Variants in ENAH observed in about 807,000 individuals in gnomAD.
ENAH encodes the protein ENAH actin regulator, also known as protein enabled homolog.
Under a neutral mutation model 78.7 loss-of-function variants are expected in ENAH, and 23 were observed. The observed-to-expected ratio is 0.29, with a 90% CI of 0.21 to 0.41. The LOEUF is 0.41. ENAH is among the 10% of genes least tolerant of loss of function. ENAH has a pLI of 1.00. For missense variants in ENAH, 544 were observed against 691.0 expected, an observed-to-expected ratio of 0.79 and a Z score of 2.39; for synonymous variants, 226 against 241.0, an observed-to-expected ratio of 0.94 and a Z score of 0.58.
At chr1:225,637,057 C>A (rs148449861) in intron 1 of ENAH, among the ~76,000 whole-genome samples, 1 of 152,116 alleles carries the variant, frequency 6.6e-6, no homozygotes, top group South Asian at 2.1e-4. Flanking sequence ...AAACAATAAA[C>A]GACCATTCTG....
In ENAH at chr1:225,490,071, C is replaced by T. The variant is rs1022325009; in HGVS notation, c.*7704G>A. 4 of 152,018 alleles carry T rather than the reference C, an allele frequency of 2.6e-5. No individual in the cohort carries two copies. Among genetic ancestry groups the T allele is most frequent in the African/African-American group, 4.8e-5 (2 of 41,368 alleles). 9.4% of individuals were successfully genotyped at this position (152,018 alleles called of 1,614,324 possible). A position where few individuals can be genotyped will look rare whatever the true frequency, so the allele number is the denominator to read the frequency against. On this transcript the variant is annotated 3_prime_UTR_variant, in exon 14 of 14. Coordinates refer to ENST00000366843, the MANE Select transcript of ENAH (RefSeq NM_018212.6). The stretch of plus-strand genomic sequence containing the variant: ...AGAACTCAACTTTAGAGGTAGAAGG[C>T]TCAGAGAGAATGACTGACTAGCCCC...
At chr1:225,580,798 T>A (rs1202287210) in intron 1 of ENAH, among the ~76,000 whole-genome samples, 2 of 149,884 alleles carry the variant, frequency 1.3e-5, no homozygotes, top group African/African-American at 4.9e-5. Context: ...CGTGCCGTAA[T>A]CCCAGCTACT....
intron 1 of ENAH, chr1:225,581,326 A>T: frequency 1.0e-6 from 1 of 982,796 alleles, no homozygotes; most frequent in Non-Finnish European, 1.2e-6. Flanking sequence ...AATACTTTCC[A>T]AGCACCGTAG....
intron 2 of ENAH, among the ~76,000 whole-genome samples, chr1:225,556,995 C>T (rs1202151999): frequency 6.6e-6 from 1 of 152,176 alleles, no homozygotes; most frequent in Admixed American, 6.5e-5. Flanking sequence ...ACCTACAGAT[C>T]AATATGCCTT....
chr1:225,636,575 G>T (rs1194185145), intron 1 of ENAH, among the ~76,000 whole-genome samples: 1 of 152,138 alleles, frequency 6.6e-6, no homozygotes, highest in African/African-American at 2.4e-5. Context: ...AGGGTGCAGT[G>T]GCTCACAGCC....
intron 1 of ENAH, among the ~76,000 whole-genome samples, chr1:225,605,388 C>G (rs558414723): frequency 6.6e-6 from 1 of 152,244 alleles, no homozygotes; most frequent in East Asian, 1.9e-4. Context: ...TTCTTACCAT[C>G]ATTCTGTGAT....
intron 6 of ENAH, among the ~76,000 whole-genome samples, chr1:225,516,201 A>G (rs548253530): frequency 6.6e-6 from 1 of 152,304 alleles, no homozygotes; most frequent in South Asian, 2.1e-4. Flanking sequence ...GACGGGGAGA[A>G]TAACTACAGA....
At chr1:225,604,708 G>C (rs1362405172) in intron 1 of ENAH, among the ~76,000 whole-genome samples, 2 of 151,812 alleles carry the variant, frequency 1.3e-5, no homozygotes, top group African/African-American at 4.8e-5. Flanking sequence ...CAGGAGAATC[G>C]CTTAAGCCCA....
intron 1 of ENAH, among the ~76,000 whole-genome samples, chr1:225,615,758 G>C (rs1296746308): frequency 6.8e-6 from 1 of 147,884 alleles, no homozygotes. Flanking sequence ...GGTGAGGAGC[G>C]TCTCTGCCCG....
chr1:225,615,831 C>A (rs550351736), intron 1 of ENAH, among the ~76,000 whole-genome samples: 1 of 152,092 alleles, frequency 6.6e-6, no homozygotes. Context: ...GGGAGGTGTA[C>A]CCAACAGCTC....
chr1:225,521,955 C>T (rs1363997501), intron 4 of ENAH, among the ~76,000 whole-genome samples: 1 of 152,020 alleles, frequency 6.6e-6, no homozygotes, highest in Non-Finnish European at 1.5e-5. Context: ...GCCACCATGC[C>T]CGGCTAATTT....
intron 1 of ENAH, among the ~76,000 whole-genome samples, chr1:225,611,307 T>C (rs552026058): frequency 1.3e-5 from 2 of 152,178 alleles, no homozygotes; most frequent in Admixed American, 1.3e-4. Flanking sequence ...AAAAAATTTA[T>C]TTATTTATTT....
rs531620779 is a variant in ENAH at position 225,546,168 on chromosome 1, T to C, written c.349+8738A>G. Reference sequence around the variant, plus strand: ...GTCTGAAACTCCTGACCTCAAGAGATCTTCCCAAAGCACTGAGATTACAGG... The same window carrying C: ...GTCTGAAACTCCTGACCTCAAGAGACCTTCCCAAAGCACTGAGATTACAGG... On this transcript the variant is annotated intron_variant, in intron 3 of 13. Coordinates refer to ENST00000366843, the MANE Select transcript of ENAH (RefSeq NM_018212.6). Among the ~76,000 whole-genome samples the C allele has an allele frequency of 8.9e-4, 135 of 152,148 alleles. 1 individual carries two copies. Among genetic ancestry groups the C allele is most frequent in the African/African-American group, 3.2e-3 (134 of 41,518 alleles).
chr1:225,545,301 C>A (rs2096607986), intron 3 of ENAH, among the ~76,000 whole-genome samples: 1 of 152,108 alleles, frequency 6.6e-6, no homozygotes, highest in South Asian at 2.1e-4. Context: ...CTATAGAAAT[C>A]CCATTCTTAG....
intron 1 of ENAH, among the ~76,000 whole-genome samples, chr1:225,643,687 G>A (rs971461319): frequency 2.0e-5 from 3 of 152,192 alleles, no homozygotes; most frequent in African/African-American, 7.2e-5. Context: ...TGTAATCCGA[G>A]TGCTTTGGGA....
chr1:225,517,960 G>T, intron 5 of ENAH: 1 of 1,545,912 alleles, frequency 6.5e-7, no homozygotes. Flanking sequence ...AGGAAGTGGA[G>T]CGTTATACAG....
chr1:225,504,897 T>C (rs2096313799), intron 11 of ENAH: 1 of 860,214 alleles, frequency 1.2e-6, no homozygotes, highest in Non-Finnish European at 1.8e-6. Context: ...AAATCTCCCT[T>C]GTGGTGATTA....
chr1:225,562,966 CTG>C (rs1384963665), intron 2 of ENAH, among the ~76,000 whole-genome samples: 5 of 150,092 alleles, frequency 3.3e-5, no homozygotes, highest in African/African-American at 9.8e-5. Flanking sequence ...GAGCAAAACT[CTG>C]TGTCAAAAAA....
rs1558828210 is a variant in ENAH, at chr1:225,567,307, T to C, written c.113A>G (p.Tyr38Cys). The C allele has an allele frequency of 1.2e-6, 2 of 1,614,156 alleles. No individual in the cohort carries two copies. The highest frequency in any genetic ancestry group is 2.2e-5 in the East Asian group (1 of 44,886). The change falls in exon 2 of 14, where the codon TAT (tyrosine) becomes TGT (cysteine). Residue 38 changes from tyrosine (Y) to cysteine (C), a missense_variant. Coordinates refer to ENST00000366843, the MANE Select transcript of ENAH (RefSeq NM_018212.6). ...GAATGTGTTGTTGCCTGTATGGTGA[T>C]AGATATGAACTCTGCTGAATCCAGT... ...GSTGFSRVHIYHHTGNNTFRV... is the reference protein window; with the variant it reads ...GSTGFSRVHICHHTGNNTFRV...
Sources: allele counts gnomAD v4.1 joint callset (sites outside exome capture counted in the v4.1 genomes callset), GRCh38; gene constraint gnomAD v4.1.1; transcripts MANE v1.5; gene names NCBI Gene and HGNC (gene_info 2026-07-23, HGNC 2026-07-21).